Variants in GLI3 observed in about 807,000 individuals in gnomAD.
GLI3 encodes GLI family zinc finger 3, also known as transcription activator GLI3.
GLI3 carries 20 observed loss-of-function variants against 100.8 expected under a neutral mutation model. The observed-to-expected ratio is 0.20, with a 90% confidence interval of 0.14 to 0.29. The LOEUF (loss-of-function observed/expected upper bound fraction) is 0.29. GLI3 is among the 10% of genes least tolerant of loss of function. The pLI is 1.00. For missense variants in GLI3, 2,040 were observed against 2,128.5 expected (o/e 0.96, Z 0.82); for synonymous variants, 938 against 860.5 (o/e 1.09, Z -1.58).
intron 10 of GLI3, among the ~76,000 whole-genome samples, chr7:42,012,816 C>A (rs1201941324): frequency 5.9e-5 from 9 of 152,178 alleles, no homozygotes. Context: ...TCACTTGCAG[C>A]TTGACTGCTT....
chr7:42,182,903 G>A (rs972849839), intron 2 of GLI3, among the ~76,000 whole-genome samples: 12 of 151,708 alleles, frequency 7.9e-5, no homozygotes, highest in South Asian at 2.1e-4. Context: ...CCAACATGGC[G>A]AAACCCTGTC....
chr7:42,204,820 T>C (rs1323068720), intron 2 of GLI3, among the ~76,000 whole-genome samples: 1 of 152,288 alleles, frequency 6.6e-6, no homozygotes, highest in African/African-American at 2.4e-5. Flanking sequence ...AAAAGTTCTA[T>C]TGTATGCACG....
intron 3 of GLI3, among the ~76,000 whole-genome samples, chr7:42,091,255 A>G (rs534592185): frequency 6.6e-6 from 1 of 152,228 alleles, no homozygotes; most frequent in South Asian, 2.1e-4. Flanking sequence ...GCCAACGACA[A>G]AAGCTAAAAG....
At chr7:42,127,019 C>T (rs977707604) in intron 3 of GLI3, among the ~76,000 whole-genome samples, 9 of 152,224 alleles carry the variant, frequency 5.9e-5, no homozygotes, top group African/African-American at 2.2e-4. Context: ...TCGATATGGC[C>T]TCCTCAACTC....
At position 41,961,295 on chromosome 7, in the gene GLI3, G is replaced by A. The variant is rs1787005745; in HGVS notation, c.*3035C>T. The A allele has an allele frequency of 6.6e-6, 1 of 152,506 alleles. No individual in the cohort carries two copies. The highest frequency in any genetic ancestry group is 1.5e-5 in the Non-Finnish European group (1 of 68,034). The allele number at this position is 152,506 out of a possible 1,614,324, so 9.4% of individuals were successfully genotyped here. A position where few individuals can be genotyped will look rare whatever the true frequency, so the allele number is the denominator to read the frequency against. The stretch of plus-strand genomic sequence containing the variant: ...GATACACAAGGGTAACTTGTCAGAA[G>A]AGAACATCCTCCTATCAGTTCAAAA... On this transcript the variant is annotated 3_prime_UTR_variant, in exon 15 of 15. Transcript: ENST00000395925.
chr7:42,129,334 G>A (rs532957680), intron 3 of GLI3, among the ~76,000 whole-genome samples: 1 of 152,278 alleles, frequency 6.6e-6, no homozygotes, highest in South Asian at 2.1e-4. Context: ...CTGGGTCTAT[G>A]GGTGAAACTC....
intron 3 of GLI3, among the ~76,000 whole-genome samples, chr7:42,105,515 TG>T (rs1785553985): frequency 6.6e-6 from 1 of 151,810 alleles, no homozygotes; most frequent in Non-Finnish European, 1.5e-5. Context: ...AAATGAGAGA[TG>T]GGGAGATAGG....
chr7:42,241,874 G>A (rs1788928474), upstream of GLI3, among the ~76,000 whole-genome samples: 5 of 152,130 alleles, frequency 3.3e-5, no homozygotes, highest in Admixed American at 1.3e-4. Flanking sequence ...CTGGAAACTC[G>A]CTCACAGCGG....
chr7:42,246,612 AAAAACAAAACAAAAC>A (rs3057272), intron 1 of GLI3, among the ~76,000 whole-genome samples: 7 of 150,038 alleles, frequency 4.7e-5, no homozygotes, highest in African/African-American at 1.2e-4. Context: ...GTACATACAG[AAAAACAAAACAAAAC>A]AAAACAAAAC....
rs1249684427 is a variant in GLI3 at position 42,204,682 on chromosome 7, G to A, written c.124+18448C>T. On this transcript the variant is annotated intron_variant, in intron 2 of 14. Coordinates refer to ENST00000395925, the MANE Select transcript of GLI3 (RefSeq NM_000168.6). ...GAGTTCAGAAAATAGATGGTCCAGGGTTTTCTATATTTTATTTCCCTAAAT... is the reference window on the plus strand; with the variant it reads ...GAGTTCAGAAAATAGATGGTCCAGGATTTTCTATATTTTATTTCCCTAAAT... Among the ~76,000 whole-genome samples the A allele has an allele frequency of 3.3e-5, 5 of 152,188 alleles. No individual in the cohort carries two copies. In the East Asian group the frequency reaches 7.7e-4, roughly 24 times the overall value.
intron 2 of GLI3, among the ~76,000 whole-genome samples, chr7:42,189,864 A>C (rs1461735501): frequency 6.6e-6 from 1 of 152,096 alleles, no homozygotes; most frequent in African/African-American, 2.4e-5. Flanking sequence ...TTACTCTTGA[A>C]GTATTTTCAA....
chr7:42,074,552 A>C (rs535050813), intron 4 of GLI3, among the ~76,000 whole-genome samples: 1 of 152,244 alleles, frequency 6.6e-6, no homozygotes, highest in Non-Finnish European at 1.5e-5. Context: ...GAATATAAGC[A>C]GGAGTTCACC....
At position 41,987,702 on chromosome 7, in the gene GLI3, A is replaced by G. The variant is rs149462253; in HGVS notation, c.1498-8954T>C. ...GTTCAAGTATGCAAAATAGTGCATG[A>G]TTTGAAAAAGCAGATAGTTTCTAAT... On this transcript the variant is annotated intron_variant, in intron 10 of 14. Transcript: ENST00000395925. Among the ~76,000 whole-genome samples, 32 of 152,354 alleles carry G rather than the reference A, an allele frequency of 2.1e-4. No individual in the cohort carries two copies. In the East Asian group the frequency reaches 4.6e-3, roughly 22 times the overall value.
At chr7:42,016,017 C>T (rs933391693) in intron 10 of GLI3, among the ~76,000 whole-genome samples, 20 of 152,062 alleles carry the variant, frequency 1.3e-4, no homozygotes, top group African/African-American at 3.9e-4. Context: ...GTTGTCATGA[C>T]GAGGGAGGGA....
At chr7:42,121,024 C>A (rs1291061094) in intron 3 of GLI3, among the ~76,000 whole-genome samples, 1 of 152,200 alleles carries the variant, frequency 6.6e-6, no homozygotes, top group East Asian at 1.9e-4. Context: ...TTCACTGGCT[C>A]CTGCATCTAA....
chr7:41,976,067 A>G (rs1787503120), intron 12 of GLI3, among the ~76,000 whole-genome samples: 1 of 152,144 alleles, frequency 6.6e-6, no homozygotes, highest in African/African-American at 2.4e-5. Flanking sequence ...ACCCCAACAA[A>G]AAAACCTTGT....
At chr7:42,144,467 C>T (rs1786653678) in intron 3 of GLI3, among the ~76,000 whole-genome samples, 1 of 152,104 alleles carries the variant, frequency 6.6e-6, no homozygotes, top group Non-Finnish European at 1.5e-5. Context: ...ACCCCCGTAT[C>T]CCCCCGGGAG....
chr7:42,005,458 T>TACGCAC, intron 10 of GLI3, among the ~76,000 whole-genome samples: 1 of 143,622 alleles, frequency 7.0e-6, no homozygotes, highest in African/African-American at 2.6e-5. Flanking sequence ...TGAATTCACA[T>TACGCAC]ACACACACAC....
chr7:42,191,478 C>A (rs10951672), intron 2 of GLI3, among the ~76,000 whole-genome samples: 3 of 151,834 alleles, frequency 2.0e-5, no homozygotes, highest in African/African-American at 7.3e-5. Flanking sequence ...CATGGAGAAG[C>A]CCCATCTCTA....
Sources: allele counts gnomAD v4.1 joint callset (sites outside exome capture counted in the v4.1 genomes callset), GRCh38; gene constraint gnomAD v4.1.1; transcripts MANE v1.5; gene names NCBI Gene and HGNC (gene_info 2026-07-23, HGNC 2026-07-21).